Variants in SAAL1 observed in about 807,000 individuals in gnomAD.
SAAL1 encodes the protein protein SAAL1.
SAAL1 carries 42 observed loss-of-function variants against 59.8 expected under a neutral mutation model. That is an observed-to-expected ratio of 0.70 (90% confidence interval 0.55 to 0.91). SAAL1 has a LOEUF of 0.91. SAAL1 is among the 40% of genes least tolerant of loss of function. SAAL1 has a pLI of 0.00. For synonymous variants in SAAL1, 191 were observed against 194.3 expected, an observed-to-expected ratio of 0.98 and a Z score of 0.14; for missense variants, 542 against 561.1, an observed-to-expected ratio of 0.97 and a Z score of 0.34.
chr11:18,091,972 G>A (rs1376704366), intron 4 of SAAL1, among the ~76,000 whole-genome samples: 2 of 152,058 alleles, frequency 1.3e-5, no homozygotes, highest in Non-Finnish European at 2.9e-5. Context: ...TCCAAGTTTT[G>A]GCCCACTGGT....
chr11:18,083,414 A>C, intron 10 of SAAL1, 121 bp downstream of exon 10: 1 of 588,000 alleles, frequency 1.7e-6, no homozygotes, highest in Non-Finnish European at 2.9e-6. Flanking sequence ...GGTGATATTA[A>C]GATTTTACTT....
Position 18,087,127 on chromosome 11 carries a change from C to T in SAAL1, c.853+16G>A, listed in dbSNP as rs749646852. The T allele has an allele frequency of 8.7e-6, 14 of 1,607,736 alleles. No individual in the cohort carries two copies. The highest frequency in any genetic ancestry group is 4.4e-5 in the South Asian group (4 of 90,912). ...TTAAATGAGTAACTGTAGTGCATCC[C>T]GATAAACCACCTTACCAATTGCTTG... On this transcript the variant is annotated intron_variant, in intron 8 of 11. Transcript: ENST00000524803.
chr11:18,086,885 C>T lies in SAAL1; in HGVS notation c.1023G>A (p.Glu341=). Residue 341 remains glutamate, a synonymous_variant, in exon 9 of 12, where the codon GAG becomes GAA. Coordinates refer to ENST00000524803, the MANE Select transcript of SAAL1 (RefSeq NM_138421.3). ...SAIYASQTEQ[E]YLKIEKVDLP... Reference sequence around the variant, plus strand: ...ACTTGCCTTTTTCTATCTTTAGATACTCTTGCTCAGTCTGTGAGGCATAGA... The same window carrying T: ...ACTTGCCTTTTTCTATCTTTAGATATTCTTGCTCAGTCTGTGAGGCATAGA... The T allele has an allele frequency of 6.2e-7, 1 of 1,610,332 alleles. No individual in the cohort carries two copies. Among genetic ancestry groups the T allele is most frequent in the Non-Finnish European group, 8.5e-7 (1 of 1,177,942 alleles).
intron 9 of SAAL1, among the ~76,000 whole-genome samples, chr11:18,086,029 T>C (rs1176640467): frequency 6.6e-6 from 1 of 152,216 alleles, no homozygotes; most frequent in Non-Finnish European, 1.5e-5. Context: ...CTAAATGAAA[T>C]GTTGGCTAAA....
At chr11:18,091,368 T>G (rs1322127501) in intron 4 of SAAL1, among the ~76,000 whole-genome samples, 1 of 152,240 alleles carries the variant, frequency 6.6e-6, no homozygotes, top group Non-Finnish European at 1.5e-5. Flanking sequence ...CATTTTTGGA[T>G]TTTTGATAGA....
Position 18,080,431 on chromosome 11 carries a change from T to C in SAAL1, c.1393A>G (p.Lys465Glu). 2 of 1,598,808 alleles carry C rather than the reference T, an allele frequency of 1.3e-6. No homozygotes were observed. The highest frequency in any genetic ancestry group is 1.7e-6 in the Non-Finnish European group (2 of 1,176,464). ...TGAACCTTCAAACTTGGGAAGTTTT[T>C]TTCCAAGTCATCAGCAAGCGCCTTA... The part of the protein sequence containing the change: ...VDKALADDLE[K>E]NFPSLKVQT Residue 465 changes from lysine (K) to glutamate (E), a missense_variant, in exon 12 of 12, where the codon AAA (lysine) becomes GAA (glutamate). Transcript: ENST00000524803.
intron 2 of SAAL1, among the ~76,000 whole-genome samples, chr11:18,097,341 T>C (rs1848588561): frequency 6.6e-6 from 1 of 151,688 alleles, no homozygotes; most frequent in African/African-American, 2.4e-5. Flanking sequence ...TTAGAGAGTC[T>C]TTATGGTAAC....
intron 3 of SAAL1, chr11:18,093,677 G>A (rs1490071958): frequency 1.3e-5 from 2 of 152,136 alleles, no homozygotes; most frequent in Non-Finnish European, 2.9e-5. Flanking sequence ...AGGAAACTAA[G>A]GCACAGAGAA....
chr11:18,103,012 G>C (rs139062167), intron 2 of SAAL1, among the ~76,000 whole-genome samples: 1 of 152,162 alleles, frequency 6.6e-6, no homozygotes, highest in Non-Finnish European at 1.5e-5. Flanking sequence ...TAAGAGCTAC[G>C]TATTTAGTCC....
chr11:18,090,439 T>C lies in SAAL1; in HGVS notation c.468A>G (p.Thr156=), dbSNP rs750598890. ...YDSDPPTLLE[T]SRLLLTCLSQ... ...TCATAAAAGGAAAAGCATACCTGCT[T>C]GTTTCCAGCAGAGTAGGTGGGTCTG... Residue 156 remains threonine (T), a synonymous_variant, in exon 5 of 12, where the codon ACA becomes ACG. Coordinates refer to ENST00000524803, the MANE Select transcript of SAAL1 (RefSeq NM_138421.3). 5 of 1,607,060 alleles carry C rather than the reference T, an allele frequency of 3.1e-6. No individual in the cohort carries two copies. In the African/African-American group the frequency reaches 5.4e-5, roughly 17 times the overall value.
At chr11:18,093,548 T>C (rs1243365639) in intron 3 of SAAL1, among the ~76,000 whole-genome samples, 1 of 152,216 alleles carries the variant, frequency 6.6e-6, no homozygotes. Flanking sequence ...TTAATTAATA[T>C]GTAATAACAG....
intron 1 of SAAL1, 99 bp downstream of exon 1, chr11:18,105,808 T>G: frequency 2.9e-6 from 4 of 1,397,892 alleles, no homozygotes; most frequent in Non-Finnish European, 2.8e-6. Context: ...GGGGTCTTTG[T>G]GGGGATGGCG....
intron 1 of SAAL1, among the ~76,000 whole-genome samples, chr11:18,105,148 T>C (rs113028906): frequency 6.6e-6 from 1 of 152,054 alleles, no homozygotes; most frequent in Non-Finnish European, 1.5e-5. Context: ...TTAGGTGACC[T>C]GCAGCTAGTG....
chr11:18,083,276 A>G (rs1848429267), intron 10 of SAAL1: 1 of 231,324 alleles, frequency 4.3e-6, no homozygotes, highest in Non-Finnish European at 8.3e-6. Flanking sequence ...TAAAAATTGC[A>G]TATGCTGGGT....
At position 18,080,955 on chromosome 11, in the gene SAAL1, C is replaced by A. The variant is rs1470880534; in HGVS notation, c.1332+456G>T. On this transcript the variant is annotated intron_variant, in intron 11 of 11. Transcript: ENST00000524803. Reference sequence around the variant, plus strand: ...CCTCTTAGAATTGTTACTCCCAATACTATTATGAATTTTCCAGTAGTCATC... The same window carrying A: ...CCTCTTAGAATTGTTACTCCCAATAATATTATGAATTTTCCAGTAGTCATC... Among the ~76,000 whole-genome samples, 4 of 152,090 alleles carry A rather than the reference C, an allele frequency of 2.6e-5. No individual in the cohort carries two copies. In the East Asian group the frequency reaches 7.7e-4, roughly 29 times the overall value.
chr11:18,087,095 C>A (rs1031595384), intron 8 of SAAL1, 41 bp from the exon 9 acceptor site: 1 of 1,598,888 alleles, frequency 6.3e-7, no homozygotes, highest in Non-Finnish European at 8.6e-7. Flanking sequence ...TTAAAATCAG[C>A]AAACAATTAA....
intron 1 of SAAL1, 77 bp downstream of exon 1, chr11:18,105,830 A>G (rs1848683393): frequency 4.1e-6 from 6 of 1,456,872 alleles, no homozygotes; most frequent in Non-Finnish European, 5.4e-6. Context: ...CTCCCGGGGC[A>G]GGAGGATTCG....
Position 18,090,479 on chromosome 11 carries a change from T to C in SAAL1, c.428A>G (p.His143Arg). ...AGGTGGGTCTGAATCATACAAACAG[T>C]GCAATAACACCTGCCTACAAAAACA... ...SDKNLGQVLL[H>R]CLYDSDPPTL... The change falls in exon 5 of 12, where the codon CAC (histidine) becomes CGC (arginine). Residue 143 changes from histidine to arginine, a missense_variant. His to Arg is a conservative substitution (Grantham distance 29). Transcript: ENST00000524803. 1.9e-6 allele frequency: 3 copies of C among 1,607,622 alleles called. No homozygotes were observed. The highest frequency in any genetic ancestry group is 2.5e-6 in the Non-Finnish European group (3 of 1,178,286).
At chr11:18,099,515 T>G (rs1294207858) in intron 2 of SAAL1, among the ~76,000 whole-genome samples, 1 of 152,146 alleles carries the variant, frequency 6.6e-6, no homozygotes, top group East Asian at 1.9e-4. Context: ...AAATAAGATA[T>G]GTGCTAGAAA....
Sources: allele counts gnomAD v4.1 joint callset (sites outside exome capture counted in the v4.1 genomes callset), GRCh38; gene constraint gnomAD v4.1.1; transcripts MANE v1.5; gene names NCBI Gene and HGNC (gene_info 2026-07-23, HGNC 2026-07-21).